Variants in SLC16A7 observed in about 807,000 individuals in gnomAD.
SLC16A7 encodes solute carrier family 16 member 7, also known as monocarboxylate transporter 2.
SLC16A7 carries 33 observed loss-of-function variants against 34.9 expected under a neutral mutation model. The observed-to-expected ratio is 0.94, with a 90% CI of 0.72 to 1.26. SLC16A7 has a LOEUF of 1.26. SLC16A7 is among the 50% of genes most tolerant of loss of function. SLC16A7 has a pLI of 0.00. For missense variants in SLC16A7, 573 were observed against 578.1 expected (o/e 0.99, Z 0.09); for synonymous variants, 201 against 206.6 (o/e 0.97, Z 0.23).
intron 1 of SLC16A7, among the ~76,000 whole-genome samples, chr12:59,636,163 G>T (rs1880415978): frequency 6.6e-6 from 1 of 151,930 alleles, no homozygotes; most frequent in South Asian, 2.1e-4. Flanking sequence ...AACTGTGTAG[G>T]TTCTAAATTA....
rs1480930813 is a variant in SLC16A7 at position 59,779,703 on chromosome 12, G to GTGTT, written c.*26_*29dup. The GTGTT allele has an allele frequency of 6.3e-7, 1 of 1,581,224 alleles. No homozygotes were observed. The highest frequency in any genetic ancestry group is 1.1e-5 in the South Asian group (1 of 87,106). On this transcript the variant is annotated 3_prime_UTR_variant, in exon 6 of 6. Coordinates refer to ENST00000547379, the MANE Select transcript of SLC16A7 (RefSeq NM_001270623.2). ...AACAAGAATCACATCTCTGATTTCA[G>GTGTT]TGTTTATGACTTTATCTAGGAGTTT...
intron 2 of SLC16A7, among the ~76,000 whole-genome samples, chr12:59,686,838 G>C (rs2137084626): frequency 6.6e-6 from 1 of 152,074 alleles, no homozygotes; most frequent in Non-Finnish European, 1.5e-5. Flanking sequence ...CAAAATTTCT[G>C]TTAGGAGGAA....
intron 2 of SLC16A7, among the ~76,000 whole-genome samples, chr12:59,670,013 A>G (rs1239483134): frequency 1.3e-5 from 2 of 152,194 alleles, no homozygotes; most frequent in African/African-American, 4.8e-5. Flanking sequence ...AAAACAACAG[A>G]AATTTATTCT....
intron 2 of SLC16A7, among the ~76,000 whole-genome samples, chr12:59,701,560 T>G (rs1418660462): frequency 6.6e-6 from 1 of 151,622 alleles, no homozygotes; most frequent in Non-Finnish European, 1.5e-5. Context: ...TTCAAATTAT[T>G]TTAATATAAG....
At position 59,676,277 on chromosome 12, in the gene SLC16A7, TAATTGGATAAAAAATAA is replaced by T. The variant is rs1379122427; in HGVS notation, c.-31+21032_-31+21048del. On this transcript the variant is annotated intron_variant, in intron 2 of 5. Coordinates refer to ENST00000547379, the MANE Select transcript of SLC16A7 (RefSeq NM_001270623.2). ...TAGTATTTTTACTATGTTCTTTCACTAATTGGATAAAAAATAAAATTTTGTATTGAATATATGTGCAT... is the reference window on the plus strand; with the variant it reads ...TAGTATTTTTACTATGTTCTTTCACTAATTTTGTATTGAATATATGTGCAT... 5.3e-5 allele frequency among the ~76,000 whole-genome samples: 8 copies of T among 152,312 alleles called. No individual in the cohort carries two copies. In the Middle Eastern group the frequency reaches 0.01, roughly 194 times the overall value.
intron 3 of SLC16A7, chr12:59,768,096 A>G (rs1881861868): frequency 2.2e-6 from 1 of 449,004 alleles, no homozygotes; most frequent in Non-Finnish European, 4.5e-6. Context: ...GCATAATAAA[A>G]AAATTTAAAT....
intron 1 of SLC16A7, among the ~76,000 whole-genome samples, chr12:59,653,372 G>A (rs1465255477): frequency 4.0e-5 from 6 of 151,420 alleles, no homozygotes; most frequent in Non-Finnish European, 7.4e-5. Flanking sequence ...TAGGTATGAG[G>A]TAAGAAATAT....
chr12:59,635,168 T>G (rs1202979081), intron 1 of SLC16A7, among the ~76,000 whole-genome samples: 2 of 152,080 alleles, frequency 1.3e-5, no homozygotes, highest in Non-Finnish European at 2.9e-5. Context: ...TGGATGTATG[T>G]GCTCTAAATT....
At chr12:59,715,884 T>G (rs1445308760) in intron 3 of SLC16A7, among the ~76,000 whole-genome samples, 1 of 152,222 alleles carries the variant, frequency 6.6e-6, no homozygotes, top group East Asian at 1.9e-4. Flanking sequence ...TATCTGTTGT[T>G]TATAAGAATT....
At chr12:59,609,479 G>A (rs777387275) in intron 1 of SLC16A7, among the ~76,000 whole-genome samples, 23 of 151,352 alleles carry the variant, frequency 1.5e-4, no homozygotes, top group South Asian at 4.2e-4. Context: ...CTGTGCTTTG[G>A]GAGACATAGA....
At chr12:59,644,758 G>T (rs1435291150) in intron 1 of SLC16A7, among the ~76,000 whole-genome samples, 1 of 151,790 alleles carries the variant, frequency 6.6e-6, no homozygotes, top group Non-Finnish European at 1.5e-5. Flanking sequence ...TTTACTTCTC[G>T]TTCCTCCCTC....
intron 3 of SLC16A7, chr12:59,763,964 A>G (rs568313065): frequency 5.3e-5 from 8 of 152,206 alleles, no homozygotes; most frequent in African/African-American, 1.4e-4. Flanking sequence ...GGGCCTCTCT[A>G]CTGTCTGAGA....
intron 4 of SLC16A7, among the ~76,000 whole-genome samples, chr12:59,772,437 T>C (rs769637939): frequency 6.6e-6 from 1 of 152,152 alleles, no homozygotes; most frequent in Non-Finnish European, 1.5e-5. Context: ...AGGGAAAAGA[T>C]GATTTTGTTA....
At chr12:59,770,839 C>T (rs559438691) in intron 3 of SLC16A7, among the ~76,000 whole-genome samples, 54 of 152,254 alleles carry the variant, frequency 3.5e-4, no homozygotes, top group Admixed American at 3.1e-3. Context: ...AAAATTTTAA[C>T]AGACAAGTCA....
At chr12:59,667,675 TG>T (rs1869317979) in intron 2 of SLC16A7, among the ~76,000 whole-genome samples, 1 of 152,172 alleles carries the variant, frequency 6.6e-6, no homozygotes, top group African/African-American at 2.4e-5. Context: ...ACCCATTTTC[TG>T]GGGAGAAGTT....
chr12:59,717,792 T>C (rs1053128044), intron 3 of SLC16A7, among the ~76,000 whole-genome samples: 2 of 152,066 alleles, frequency 1.3e-5, no homozygotes, highest in Non-Finnish European at 2.9e-5. Context: ...TTTAAGTTTA[T>C]ATTTGTAATC....
At chr12:59,672,198 A>ATGTG (rs1483075494) in intron 2 of SLC16A7, among the ~76,000 whole-genome samples, 3 of 51,842 alleles carry the variant, frequency 5.8e-5, no homozygotes, top group African/African-American at 1.7e-4. Context: ...ATACGTATAT[A>ATGTG]TACATATATA....
intron 1 of SLC16A7, among the ~76,000 whole-genome samples, chr12:59,633,336 C>G (rs1565625577): frequency 6.6e-6 from 1 of 151,958 alleles, no homozygotes; most frequent in African/African-American, 2.4e-5. Context: ...ACATCAGATA[C>G]TAATGGACTA....
intron 2 of SLC16A7, among the ~76,000 whole-genome samples, chr12:59,678,651 C>T (rs1002214380): frequency 3.9e-5 from 6 of 152,102 alleles, no homozygotes; most frequent in South Asian, 2.1e-4. Flanking sequence ...TGGGCAGCCA[C>T]GGGTAGGCAT....
Sources: gnomAD v4.1 joint callset for allele counts (sites outside exome capture counted in the v4.1 genomes callset) on GRCh38, gnomAD v4.1.1 for gene constraint, MANE v1.5 for transcripts, NCBI Gene and HGNC (gene_info 2026-07-23, HGNC 2026-07-21) for gene names.